SENP7: variants seen among roughly 807,000 people sequenced by gnomAD.
SENP7 encodes the protein sentrin-specific protease 7.
Under a neutral mutation model 141.2 loss-of-function variants are expected in SENP7, and 64 were observed. The ratio of observed to expected loss-of-function variants is 0.45; its 90% CI spans 0.37 to 0.56. SENP7 has a LOEUF of 0.56. SENP7 is among the 20% of genes least tolerant of loss of function. The pLI is 0.00. For missense variants in SENP7, 1,025 were observed against 1,212.2 expected (o/e 0.85, Z 2.29); for synonymous variants, 382 against 426.4 (o/e 0.90, Z 1.28).
chr3:101,326,183 A>G (rs1357522268), intron 23 of SENP7, 103 bp from the exon 24 acceptor site: 10 of 895,740 alleles, frequency 1.1e-5, no homozygotes, highest in Non-Finnish European at 1.5e-5. Context: ...CTTTTTTAAA[A>G]TAACAATTAT....
chr3:101,470,712 TC>T (rs1329454286), intron 3 of SENP7, among the ~76,000 whole-genome samples: 2 of 152,174 alleles, frequency 1.3e-5, no homozygotes, highest in East Asian at 3.9e-4. Context: ...AGTCAAATTG[TC>T]CCTGTTTGCA....
intron 3 of SENP7, among the ~76,000 whole-genome samples, chr3:101,492,078 G>A (rs374289663): frequency 6.7e-6 from 1 of 150,374 alleles, no homozygotes; most frequent in African/African-American, 2.5e-5. Flanking sequence ...GGCAACAAGA[G>A]CAAAACGCCA....
chr3:101,387,102 G>A (rs2060678531), intron 6 of SENP7, among the ~76,000 whole-genome samples: 1 of 152,040 alleles, frequency 6.6e-6, no homozygotes, highest in South Asian at 2.1e-4. Flanking sequence ...GGGCCTGAGT[G>A]CATGGTTCAG....
At chr3:101,346,167 G>T (rs1326238385) in intron 13 of SENP7, among the ~76,000 whole-genome samples, 4 of 152,150 alleles carry the variant, frequency 2.6e-5, no homozygotes, top group African/African-American at 9.7e-5. Context: ...ATGAAAAAAT[G>T]CTCAACATCA....
At chr3:101,338,273 T>C (rs1035385026) in intron 16 of SENP7, among the ~76,000 whole-genome samples, 1 of 152,064 alleles carries the variant, frequency 6.6e-6, no homozygotes, top group African/African-American at 2.4e-5. Context: ...GTAGAGCCTA[T>C]AATCCAGAGG....
intron 4 of SENP7, among the ~76,000 whole-genome samples, chr3:101,420,862 G>A (rs748074074): frequency 6.6e-6 from 1 of 152,138 alleles, no homozygotes; most frequent in Non-Finnish European, 1.5e-5. Context: ...GGTTAAAAGG[G>A]AAAGGGCAGA....
At chr3:101,477,034 T>C (rs2064247487) in intron 3 of SENP7, among the ~76,000 whole-genome samples, 1 of 152,218 alleles carries the variant, frequency 6.6e-6, no homozygotes. Flanking sequence ...ATAAATTTTC[T>C]CCCATTCTGT....
intron 4 of SENP7, among the ~76,000 whole-genome samples, chr3:101,455,159 T>C (rs9812471): frequency 0.4 from 60,337 of 151,942 alleles, 12,498 homozygotes; most frequent in Admixed American, 0.54. Context: ...TGATTTCCCT[T>C]AGCACAGCAG....
At chr3:101,364,813 G>A (rs754944570) in intron 10 of SENP7, 21 bp downstream of exon 10, 2 of 1,499,846 alleles carry the variant, frequency 1.3e-6, no homozygotes, top group Admixed American at 1.9e-5. Context: ...GTTAATCTAT[G>A]AGAAGACAGA....
chr3:101,376,663 T>C (rs980403193), intron 6 of SENP7, among the ~76,000 whole-genome samples: 4 of 152,040 alleles, frequency 2.6e-5, no homozygotes, highest in Admixed American at 6.6e-5. Context: ...AGGGATAGCA[T>C]TAGGAGATAC....
chr3:101,428,181 G>T (rs1234939236), intron 4 of SENP7, among the ~76,000 whole-genome samples: 6 of 152,166 alleles, frequency 3.9e-5, no homozygotes, highest in African/African-American at 1.2e-4. Context: ...CTTTACAGTA[G>T]AATGATCTAT....
chr3:101,410,481 T>C (rs529025789), intron 5 of SENP7, among the ~76,000 whole-genome samples: 1 of 152,260 alleles, frequency 6.6e-6, no homozygotes, highest in African/African-American at 2.4e-5. Context: ...CACGTGTTTA[T>C]AGGAGCACAA....
At chr3:101,457,361 T>C (rs1485440029) in intron 4 of SENP7, 22 of 1,417,352 alleles carry the variant, frequency 1.6e-5, no homozygotes, top group Non-Finnish European at 1.8e-5. Flanking sequence ...TGGGCAAAGC[T>C]TCAGCCAGTC....
intron 4 of SENP7, among the ~76,000 whole-genome samples, chr3:101,437,946 G>C (rs1368156261): frequency 1.3e-5 from 2 of 149,924 alleles, no homozygotes; most frequent in African/African-American, 2.4e-5. Context: ...AAAACAGAAA[G>C]TAACAAGTGT....
At chr3:101,512,969 T>C in intron 1 of SENP7, 122 bp downstream of exon 1, 1 of 1,116,432 alleles carries the variant, frequency 9.0e-7, no homozygotes, top group Non-Finnish European at 1.4e-6. Flanking sequence ...GCGCGCCCCT[T>C]CCTCTCCCCG....
intron 4 of SENP7, among the ~76,000 whole-genome samples, chr3:101,451,513 A>G (rs1221340456): frequency 6.6e-6 from 1 of 152,250 alleles, no homozygotes; most frequent in Non-Finnish European, 1.5e-5. Context: ...AAGCTTATCC[A>G]CCATGATCAA....
intron 9 of SENP7, 101 bp downstream of exon 9, chr3:101,366,329 A>C (rs1449229943): frequency 1.8e-5 from 14 of 781,630 alleles, no homozygotes; most frequent in Non-Finnish European, 2.6e-5. Context: ...ATGATGTCAT[A>C]AACAGCTTAT....
intron 3 of SENP7, among the ~76,000 whole-genome samples, chr3:101,489,276 A>AG (rs2108081565): frequency 6.6e-6 from 1 of 152,312 alleles, no homozygotes; most frequent in East Asian, 1.9e-4. Flanking sequence ...ACAACAACCA[A>AG]CAACATAATG....
chr3:101,351,036 C>G (rs948697961), intron 12 of SENP7, among the ~76,000 whole-genome samples: 8 of 152,040 alleles, frequency 5.3e-5, no homozygotes, highest in African/African-American at 1.9e-4. Context: ...TCTCTAATTC[C>G]TATCTATGCC....
Sources: gnomAD v4.1 joint callset for allele counts (sites outside exome capture counted in the v4.1 genomes callset) on GRCh38, gnomAD v4.1.1 for gene constraint, MANE v1.5 for transcripts, NCBI Gene and HGNC (gene_info 2026-07-23, HGNC 2026-07-21) for gene names.